GPC5: variants seen among roughly 807,000 people sequenced by gnomAD.
GPC5 encodes glypican 5, also known as glypican-5.
GPC5 carries 47 observed loss-of-function variants against 53.9 expected under a neutral mutation model. The observed-to-expected ratio is 0.87, with a 90% confidence interval of 0.69 to 1.11. The LOEUF is 1.11. Among genes scored for constraint, GPC5 ranks in the 50% most tolerant of loss-of-function variants. The probability of loss-of-function intolerance (pLI) is 0.00; values close to 1 mark genes in which losing one functional copy is unlikely to be tolerated. For missense variants in GPC5, 748 were observed against 713.1 expected, an observed-to-expected ratio of 1.05 and a Z score of -0.56; for synonymous variants, 286 against 263.3, an observed-to-expected ratio of 1.09 and a Z score of -0.84.
At chr13:92,547,734 T>C (rs1378409616) in intron 7 of GPC5, among the ~76,000 whole-genome samples, 2 of 151,914 alleles carry the variant, frequency 1.3e-5, no homozygotes, top group African/African-American at 4.8e-5. Context: ...CTTTGTATTC[T>C]ATTCATAGTT....
rs1028358836 is a variant in GPC5 at position 91,963,425 on chromosome 13, G to A, written c.1401+55368G>A. On this transcript the variant is annotated intron_variant, in intron 6 of 7. Coordinates refer to ENST00000377067, the MANE Select transcript of GPC5 (RefSeq NM_004466.6). Reference sequence around the variant, plus strand: ...ACAGAAGTTCCCTATGTGTACATAAGGGAATGTGTAGCAGCACATTTAGTG... The same window carrying A: ...ACAGAAGTTCCCTATGTGTACATAAAGGAATGTGTAGCAGCACATTTAGTG... Among the ~76,000 whole-genome samples the A allele has an allele frequency of 2.6e-5, 4 of 152,108 alleles. No individual in the cohort carries two copies. The East Asian group carries it at 5.8e-4, about 22-fold the overall frequency.
chr13:92,480,555 C>T (rs1038264464), intron 7 of GPC5, among the ~76,000 whole-genome samples: 1 of 152,128 alleles, frequency 6.6e-6, no homozygotes, highest in Non-Finnish European at 1.5e-5. Flanking sequence ...TGGCAAGACA[C>T]ATGTTAGAAT....
At chr13:92,191,189 C>T (rs2042220503) in intron 7 of GPC5, among the ~76,000 whole-genome samples, 1 of 152,024 alleles carries the variant, frequency 6.6e-6, no homozygotes, top group Non-Finnish European at 1.5e-5. Flanking sequence ...GTGTATGTAC[C>T]TAATAACAAA....
In GPC5 at chr13:92,381,794, T is replaced by TATAGATACATAGATAC. The variant is rs71766890; in HGVS notation, c.1561+236820_1561+236821insCATAGATACATAGATA. 1.9e-3 allele frequency among the ~76,000 whole-genome samples: 266 copies of TATAGATACATAGATAC among 140,028 alleles called. 3 individuals carry two copies. Among genetic ancestry groups the TATAGATACATAGATAC allele is most frequent in the African/African-American group, 6.7e-3 (255 of 37,910 alleles). 91.9% of individuals were successfully genotyped at this position (140,028 alleles called of 152,430 possible). ...GAGTGGATAAATAAACTGTGATATA[T>TATAGATACATAGATAC]ATAGATACATAGATATTATTTCATA... On this transcript the variant is annotated intron_variant, in intron 7 of 7. Coordinates refer to ENST00000377067, the MANE Select transcript of GPC5 (RefSeq NM_004466.6).
chr13:91,746,550 C>A (rs1419267188), intron 4 of GPC5, among the ~76,000 whole-genome samples: 1 of 152,068 alleles, frequency 6.6e-6, no homozygotes, highest in African/African-American at 2.4e-5. Context: ...TAAAATGAAA[C>A]AAGTTCCTGT....
intron 5 of GPC5, among the ~76,000 whole-genome samples, chr13:91,782,693 C>T (rs1210341263): frequency 6.6e-6 from 1 of 152,072 alleles, no homozygotes; most frequent in Non-Finnish European, 1.5e-5. Flanking sequence ...AAACTTTTAG[C>T]CTAAAATTAG....
intron 3 of GPC5, among the ~76,000 whole-genome samples, chr13:91,723,200 A>T (rs2139979680): frequency 6.6e-6 from 1 of 152,024 alleles, no homozygotes; most frequent in African/African-American, 2.4e-5. Context: ...ATACAAACGT[A>T]GCAACATAGT....
intron 4 of GPC5, among the ~76,000 whole-genome samples, chr13:91,738,777 G>A (rs145543195): frequency 1.3e-5 from 2 of 151,286 alleles, no homozygotes; most frequent in Admixed American, 1.3e-4. Context: ...AGAAACTTAG[G>A]ATAGTTTCAC....
At chr13:92,325,042 A>G (rs1369197241) in intron 7 of GPC5, among the ~76,000 whole-genome samples, 2 of 151,858 alleles carry the variant, frequency 1.3e-5, no homozygotes, top group Non-Finnish European at 2.9e-5. Flanking sequence ...TTTGGAAGAG[A>G]CAAAGGAAGA....
At chr13:92,820,463 T>C (rs1877636156) in intron 7 of GPC5, among the ~76,000 whole-genome samples, 1 of 152,164 alleles carries the variant, frequency 6.6e-6, no homozygotes, top group African/African-American at 2.4e-5. Flanking sequence ...CCATTCTTCA[T>C]TCCTCACTCT....
intron 4 of GPC5, among the ~76,000 whole-genome samples, chr13:91,744,314 T>C (rs1196873308): frequency 6.6e-6 from 1 of 152,058 alleles, no homozygotes; most frequent in Non-Finnish European, 1.5e-5. Context: ...GATACCTAGG[T>C]GACATGTAAC....
chr13:92,521,310 C>T (rs1299861528), intron 7 of GPC5, among the ~76,000 whole-genome samples: 1 of 152,130 alleles, frequency 6.6e-6, no homozygotes, highest in African/African-American at 2.4e-5. Flanking sequence ...AAAGAGCCCA[C>T]ATTGCCAAGA....
chr13:92,042,771 G>T (rs1413813682), intron 6 of GPC5, among the ~76,000 whole-genome samples: 4 of 152,184 alleles, frequency 2.6e-5, no homozygotes, highest in African/African-American at 4.8e-5. Flanking sequence ...TCCCATTGGT[G>T]AGCTTAGCAG....
At chr13:91,725,963 T>C (rs1045314499) in intron 3 of GPC5, among the ~76,000 whole-genome samples, 4 of 152,194 alleles carry the variant, frequency 2.6e-5, no homozygotes, top group African/African-American at 9.6e-5. Flanking sequence ...TTCAAACTGT[T>C]CTGTGGTGTG....
intron 6 of GPC5, among the ~76,000 whole-genome samples, chr13:92,135,733 C>A (rs964886675): frequency 6.6e-6 from 1 of 152,160 alleles, no homozygotes; most frequent in African/African-American, 2.4e-5. Flanking sequence ...AGAGCAGTGA[C>A]CTTTCAAATT....
intron 2 of GPC5, among the ~76,000 whole-genome samples, chr13:91,663,571 C>G (rs1401444051): frequency 6.6e-6 from 1 of 152,136 alleles, no homozygotes; most frequent in Non-Finnish European, 1.5e-5. Context: ...GATCCCCCTG[C>G]CTCAGCCTCT....
intron 1 of GPC5, among the ~76,000 whole-genome samples, chr13:91,413,400 C>G (rs528396321): frequency 6.6e-6 from 1 of 151,768 alleles, no homozygotes; most frequent in Non-Finnish European, 1.5e-5. Flanking sequence ...TAACAAATCC[C>G]AAACAATGTG....
At chr13:92,313,436 C>G (rs2043158735) in intron 7 of GPC5, among the ~76,000 whole-genome samples, 1 of 152,202 alleles carries the variant, frequency 6.6e-6, no homozygotes, top group Non-Finnish European at 1.5e-5. Flanking sequence ...TTGTATACTT[C>G]AGACATTTAC....
At chr13:91,653,587 G>GAACAA (rs1341268509) in intron 2 of GPC5, among the ~76,000 whole-genome samples, 6 of 151,988 alleles carry the variant, frequency 3.9e-5, no homozygotes, top group African/African-American at 1.2e-4. Context: ...CATTCTCCAT[G>GAACAA]AACAAAACAA....
Sources: allele counts gnomAD v4.1 joint callset (sites outside exome capture counted in the v4.1 genomes callset), GRCh38; gene constraint gnomAD v4.1.1; transcripts MANE v1.5; gene names NCBI Gene and HGNC (gene_info 2026-07-23, HGNC 2026-07-21).